GPC6: variants seen among roughly 807,000 people sequenced by gnomAD.
GPC6 encodes the protein glypican 6.
GPC6 carries 14 observed loss-of-function variants against 55.2 expected under a neutral mutation model. The observed-to-expected ratio is 0.25, with a 90% CI of 0.17 to 0.40. GPC6 has a LOEUF of 0.40. Ranked by LOEUF, GPC6 falls within the 10% of genes least tolerant of loss-of-function variation. The pLI is 1.00. For synonymous variants in GPC6, 278 were observed against 259.6 expected (o/e 1.07, Z -0.68); for missense variants, 641 against 708.5 (o/e 0.90, Z 1.08).
chr13:94,394,743 A>C (rs1880820328), intron 7 of GPC6, among the ~76,000 whole-genome samples: 1 of 152,186 alleles, frequency 6.6e-6, no homozygotes, highest in African/African-American at 2.4e-5. Context: ...ATGTCTCCAA[A>C]GTCATCTTTT....
At chr13:93,552,927 CTTA>C in intron 2 of GPC6, among the ~76,000 whole-genome samples, 1 of 152,290 alleles carries the variant, frequency 6.6e-6, no homozygotes, top group South Asian at 2.1e-4. Context: ...GTAGAGAAAA[CTTA>C]TTTTCTTATT....
intron 1 of GPC6, among the ~76,000 whole-genome samples, chr13:93,309,949 G>A (rs1041562817): frequency 5.3e-5 from 8 of 152,240 alleles, no homozygotes; most frequent in South Asian, 4.1e-4. Flanking sequence ...GATTAACTAC[G>A]TGGTCACTGC....
chr13:93,658,269 G>T (rs931245594), intron 2 of GPC6, among the ~76,000 whole-genome samples: 1 of 151,680 alleles, frequency 6.6e-6, no homozygotes. Context: ...CATTGTTTTT[G>T]CCTATTCATA....
chr13:93,442,637 G>A (rs1877847787), intron 1 of GPC6, among the ~76,000 whole-genome samples: 1 of 152,126 alleles, frequency 6.6e-6, no homozygotes, highest in Admixed American at 6.6e-5. Context: ...TATGCACAGC[G>A]ATGACTACGA....
chr13:93,509,211 A>C (rs1366161251), intron 1 of GPC6, among the ~76,000 whole-genome samples: 2 of 152,222 alleles, frequency 1.3e-5, no homozygotes, highest in African/African-American at 2.4e-5. Flanking sequence ...GAAATTGTGC[A>C]CCTTCCAATG....
chr13:93,480,462 G>A (rs1879474481), intron 1 of GPC6, among the ~76,000 whole-genome samples: 1 of 152,146 alleles, frequency 6.6e-6, no homozygotes. Flanking sequence ...AGGGGGACAA[G>A]AACGTGATTT....
chr13:93,891,612 T>C (rs1875685499), intron 3 of GPC6, among the ~76,000 whole-genome samples: 1 of 152,170 alleles, frequency 6.6e-6, no homozygotes, highest in African/African-American at 2.4e-5. Context: ...CTTGAAAACA[T>C]ATACACTTTG....
intron 4 of GPC6, among the ~76,000 whole-genome samples, chr13:94,176,674 T>A (rs1888786010): frequency 6.6e-6 from 1 of 152,244 alleles, no homozygotes; most frequent in Non-Finnish European, 1.5e-5. Flanking sequence ...TCTTTAGCTA[T>A]GTATTCTCCT....
intron 1 of GPC6, among the ~76,000 whole-genome samples, chr13:93,406,593 A>C (rs1876297837): frequency 6.6e-6 from 1 of 152,228 alleles, no homozygotes; most frequent in Non-Finnish European, 1.5e-5. Context: ...GACTAACATA[A>C]ACCACTGAAT....
At chr13:94,096,319 CTT>C (rs775680383) in intron 4 of GPC6, among the ~76,000 whole-genome samples, 13 of 138,392 alleles carry the variant, frequency 9.4e-5, no homozygotes, top group African/African-American at 1.6e-4. Context: ...TTTCAGGACG[CTT>C]TTTTTTTTTT....
At chr13:94,067,089 C>A (rs1429559992) in intron 4 of GPC6, among the ~76,000 whole-genome samples, 8 of 152,128 alleles carry the variant, frequency 5.3e-5, no homozygotes, top group Admixed American at 4.6e-4. Flanking sequence ...GGTCACTAGA[C>A]CTTCTTTGCG....
intron 1 of GPC6, among the ~76,000 whole-genome samples, chr13:93,439,083 T>C (rs1877680873): frequency 6.6e-6 from 1 of 152,216 alleles, no homozygotes; most frequent in African/African-American, 2.4e-5. Flanking sequence ...CATTGTTTTT[T>C]AGACATAACG....
chr13:94,002,755 A>T (rs952047977), intron 3 of GPC6, among the ~76,000 whole-genome samples: 2 of 152,180 alleles, frequency 1.3e-5, no homozygotes, highest in Non-Finnish European at 2.9e-5. Context: ...ATTTTTGCCT[A>T]TAATTAGTGG....
chr13:94,145,652 C>T (rs1458644376), intron 4 of GPC6, among the ~76,000 whole-genome samples: 1 of 152,118 alleles, frequency 6.6e-6, no homozygotes, highest in Non-Finnish European at 1.5e-5. Context: ...CTCATTAATT[C>T]AGTAAACTGT....
intron 4 of GPC6, among the ~76,000 whole-genome samples, chr13:94,086,987 C>T (rs1228077187): frequency 6.6e-6 from 1 of 152,082 alleles, no homozygotes; most frequent in East Asian, 1.9e-4. Context: ...GGAAGCTTAA[C>T]GTTATGTGAG....
chr13:93,403,386 A>G (rs1594145452), intron 1 of GPC6, among the ~76,000 whole-genome samples: 1 of 152,100 alleles, frequency 6.6e-6, no homozygotes, highest in South Asian at 2.1e-4. Flanking sequence ...GGCTTCCTGA[A>G]GCTATTCCTT....
rs551069540 is a variant in GPC6 at position 93,384,811 on chromosome 13, C to T, written c.160+157195C>T. ...GTTCCTGTGGTATGAGATACCCTCC[C>T]GTGGTTTAGAAAAACTGTCTTTTTT... On this transcript the variant is annotated intron_variant, in intron 1 of 8. Coordinates refer to ENST00000377047, the MANE Select transcript of GPC6 (RefSeq NM_005708.5). 7.2e-5 allele frequency among the ~76,000 whole-genome samples: 11 copies of T among 152,176 alleles called. No homozygotes were observed. In the South Asian group the frequency reaches 1.7e-3, roughly 23 times the overall value.
intron 1 of GPC6, among the ~76,000 whole-genome samples, chr13:93,424,212 G>T (rs143067578): frequency 6.6e-6 from 1 of 152,106 alleles, no homozygotes; most frequent in Non-Finnish European, 1.5e-5. Context: ...GAGGCCCTCA[G>T]CTGGTGTCAC....
In GPC6 at chr13:94,387,560, G is replaced by C. The variant is rs572785694; in HGVS notation, c.1289+5010G>C. 1.4e-4 allele frequency among the ~76,000 whole-genome samples: 21 copies of C among 152,272 alleles called. No homozygotes were observed. The South Asian group carries it at 4.4e-3, about 32-fold the overall frequency. On this transcript the variant is annotated intron_variant, in intron 7 of 8. Transcript: ENST00000377047. ...GAGATCTTATTAAAATGCAGATTCT[G>C]ATTCAGTAAGTGCTATGGATTGACT...
Sources: allele counts gnomAD v4.1 joint callset (sites outside exome capture counted in the v4.1 genomes callset), GRCh38; gene constraint gnomAD v4.1.1; transcripts MANE v1.5; gene names NCBI Gene and HGNC (gene_info 2026-07-23, HGNC 2026-07-21).